SUGP1: variants seen among roughly 807,000 people sequenced by gnomAD.
The protein encoded by SUGP1 is SURP and G-patch domain containing 1.
A neutral mutation model predicts 76.5 loss-of-function variants in SUGP1; 34 were observed. That is an observed-to-expected ratio of 0.44 (90% CI 0.34 to 0.59). The LOEUF (loss-of-function observed/expected upper bound fraction) is 0.59, where lower values mean the gene tolerates loss of function less well. Among genes scored for constraint, SUGP1 ranks in the 20% least tolerant of loss-of-function variants. SUGP1 has a pLI of 0.01. For synonymous variants in SUGP1, 326 were observed against 326.2 expected, an observed-to-expected ratio of 1.00 and a Z score of 0.01; for missense variants, 752 against 851.7, an observed-to-expected ratio of 0.88 and a Z score of 1.46.
chr19:19,297,400 A>ATTCAGGGCAGGAGCAGTTCTGGCC, intron 7 of SUGP1, 56 bp from the exon 8 acceptor site: 3 of 1,349,532 alleles, frequency 2.2e-6, no homozygotes, highest in Non-Finnish European at 3.0e-6. Flanking sequence ...CCTGTCCCTG[A>ATTCAGGGCAGGAGCAGTTCTGGCC]TTCTGGGCAG....
intron 2 of SUGP1, among the ~76,000 whole-genome samples, chr19:19,314,539 A>G (rs1435444615): frequency 2.0e-5 from 3 of 152,160 alleles, no homozygotes; most frequent in East Asian, 3.8e-4. Flanking sequence ...AAGAAGGTTC[A>G]ATGTTGACAC....
intron 8 of SUGP1, among the ~76,000 whole-genome samples, chr19:19,288,904 G>C (rs1469628587): frequency 2.0e-5 from 3 of 152,030 alleles, no homozygotes; most frequent in African/African-American, 7.2e-5. Context: ...TCCTGCCTCA[G>C]CCTCCTGAGT....
chr19:19,279,781 C>T (rs1216796560), intron 9 of SUGP1, among the ~76,000 whole-genome samples: 1 of 152,212 alleles, frequency 6.6e-6, no homozygotes, highest in Non-Finnish European at 1.5e-5. Flanking sequence ...GCCTCAAGTC[C>T]CTCAGGGTGC....
At position 19,305,878 on chromosome 19, in the gene SUGP1, T is replaced by C; in HGVS notation, c.509A>G (p.Glu170Gly). Reference sequence around the variant, plus strand: ...GATCTCCAGCCACTGCTCATAGTCCTCCTCCTCGTCCTCGTCAGGGGACTG... The same window carrying C: ...GATCTCCAGCCACTGCTCATAGTCCCCCTCCTCGTCCTCGTCAGGGGACTG... ...VFQSPDEDEE[E>G]DYEQWLEIKV... Residue 170 changes from glutamate (E) to glycine (G), a missense_variant, in exon 4 of 14, where the codon GAG becomes GGG. Physicochemically the swap from Glu to Gly is moderately conservative, Grantham distance 98 (BLOSUM62 -2). Around this residue, in one of 2 missense-constraint regions of SUGP1, gnomAD observed 620 missense variants for 617.3 expected, o/e 1.00. Transcript: ENST00000247001. The C allele has an allele frequency of 1.2e-6, 2 of 1,612,236 alleles. No homozygotes were observed. The highest frequency in any genetic ancestry group is 1.7e-6 in the Non-Finnish European group (2 of 1,178,964).
chr19:19,302,051 C>T, intron 7 of SUGP1: 1 of 638,486 alleles, frequency 1.6e-6, no homozygotes. Context: ...AGGCCCCGTG[C>T]ACCTGCCTCA....
chr19:19,284,712 A>G (rs549501564), intron 8 of SUGP1, among the ~76,000 whole-genome samples: 1 of 152,358 alleles, frequency 6.6e-6, no homozygotes, highest in South Asian at 2.1e-4. Context: ...ATATAATGGC[A>G]GCAAAGGATG....
At position 19,276,554 on chromosome 19, in the gene SUGP1, C is replaced by G; in HGVS notation, c.*94G>C. The G allele has an allele frequency of 1.3e-6, 2 of 1,501,548 alleles. No individual in the cohort carries two copies. Among genetic ancestry groups the G allele is most frequent in the Non-Finnish European group, 1.8e-6 (2 of 1,082,924 alleles). 93.0% of individuals were successfully genotyped at this position (1,501,548 alleles called of 1,614,324 possible). ...GGACTTTATTACACGGCACGGCACT[C>G]GTGACAACGGAAGGGGTGGGCAGAA... On this transcript the variant is annotated 3_prime_UTR_variant, in exon 14 of 14. Coordinates refer to ENST00000247001, the MANE Select transcript of SUGP1 (RefSeq NM_172231.4).
Position 19,305,849 on chromosome 19 carries a change from C to T in SUGP1, c.538G>A (p.Val180Ile), listed in dbSNP as rs747612934. ...EDYEQWLEIKVSPPEGAETRK... is the reference protein window; with the variant it reads ...EDYEQWLEIKISPPEGAETRK... ...GGGAGCAGCAGCTCCCACAACTTAC[C>T]TTTGATCTCCAGCCACTGCTCATAG... Residue 180 changes from valine to isoleucine, a missense_variant and splice_region_variant, in exon 4 of 14, where the codon GTT becomes ATT. Coordinates refer to ENST00000247001, the MANE Select transcript of SUGP1 (RefSeq NM_172231.4). 1 of 1,600,590 alleles carries T rather than the reference C, an allele frequency of 6.2e-7. No homozygotes were observed. Among genetic ancestry groups the T allele is most frequent in the Non-Finnish European group, 8.5e-7 (1 of 1,171,054 alleles).
At chr19:19,305,723 G>A in intron 4 of SUGP1, 126 bp downstream of exon 4, 2 of 916,986 alleles carry the variant, frequency 2.2e-6, no homozygotes, top group South Asian at 3.4e-5. Context: ...TCAGCTCAGA[G>A]GTCTGGTGGC....
At position 19,303,942 on chromosome 19, in the gene SUGP1, G is replaced by A. The variant is rs571675657; in HGVS notation, c.539-95C>T. On this transcript the variant is annotated intron_variant, in intron 4 of 13. Coordinates refer to ENST00000247001, the MANE Select transcript of SUGP1 (RefSeq NM_172231.4). The stretch of plus-strand genomic sequence containing the variant: ...GGACCACAACGACAGAGGGGGTGGG[G>A]GGAGAAGAGTGTGAGATGCAGGAGG... The A allele has an allele frequency of 5.0e-6, 8 of 1,601,954 alleles. No individual in the cohort carries two copies. In the South Asian group the frequency reaches 8.8e-5, roughly 18 times the overall value.
rs1335615612 is a variant in SUGP1 at position 19,296,981 on chromosome 19, C to G, written c.1243+8G>C. On this transcript the variant is annotated splice_region_variant and intron_variant, in intron 8 of 13. Transcript: ENST00000247001. Reference sequence around the variant, plus strand: ...TCCAACACAGGGAGGGGGAGAGGGTCTGCCCACCTGACAGAGGCGAGGGAG... The same window carrying G: ...TCCAACACAGGGAGGGGGAGAGGGTGTGCCCACCTGACAGAGGCGAGGGAG... The G allele has an allele frequency of 1.3e-6, 2 of 1,561,814 alleles. No homozygotes were observed. Among genetic ancestry groups the G allele is most frequent in the South Asian group, 2.3e-5 (2 of 85,660 alleles).
chr19:19,283,587 C>T (rs10407952), intron 8 of SUGP1, among the ~76,000 whole-genome samples: 63,844 of 152,004 alleles, frequency 0.42, 14,869 homozygotes, highest in African/African-American at 0.62. Context: ...CCCGAGTAGC[C>T]GGGACTACAG....
intron 4 of SUGP1, among the ~76,000 whole-genome samples, chr19:19,304,441 G>C (rs1019733397): frequency 3.9e-5 from 6 of 152,106 alleles, no homozygotes; most frequent in Non-Finnish European, 7.4e-5. Flanking sequence ...CCCAGAGCCA[G>C]CCACTTCTCC....
intron 8 of SUGP1, among the ~76,000 whole-genome samples, chr19:19,290,417 G>A (rs2146601572): frequency 6.6e-6 from 1 of 152,324 alleles, no homozygotes; most frequent in African/African-American, 2.4e-5. Context: ...GCGGAAGCAA[G>A]TGGATCATCT....
At chr19:19,314,231 G>C (rs896617443) in intron 2 of SUGP1, among the ~76,000 whole-genome samples, 3 of 152,040 alleles carry the variant, frequency 2.0e-5, no homozygotes, top group Non-Finnish European at 4.4e-5. Flanking sequence ...GGCTGAGCAG[G>C]AGAATCTCCT....
At chr19:19,311,503 G>A (rs1222816907) in intron 2 of SUGP1, among the ~76,000 whole-genome samples, 4 of 151,828 alleles carry the variant, frequency 2.6e-5, no homozygotes, top group Admixed American at 2.0e-4. Context: ...CGAGGTGGGC[G>A]GATCACGAGG....
intron 8 of SUGP1, among the ~76,000 whole-genome samples, chr19:19,283,055 C>T (rs1410504792): frequency 2.1e-5 from 3 of 145,176 alleles, no homozygotes; most frequent in Non-Finnish European, 3.0e-5. Flanking sequence ...CCAGCCTGGG[C>T]GACAGAGTGA....
intron 7 of SUGP1, among the ~76,000 whole-genome samples, chr19:19,299,388 T>TC (rs1239302325): frequency 2.0e-5 from 3 of 152,206 alleles, no homozygotes; most frequent in Admixed American, 2.0e-4. Context: ...CCTTTTTTTT[T>TC]CTGAGACGGA....
Position 19,297,458 on chromosome 19 carries a change from G to A in SUGP1, c.888-114C>T. On this transcript the variant is annotated intron_variant, in intron 7 of 13. Transcript: ENST00000247001. ...CCACGTTGGCCAGGGTCACTATATG[G>A]TCATGTCATAGTCACGGTCTCCACC... 1.5e-5 allele frequency: 9 copies of A among 600,248 alleles called. No homozygotes were observed. In the South Asian group the frequency reaches 2.6e-4, roughly 17 times the overall value. The allele number at this position is 600,248 out of a possible 1,614,324, so 37.2% of individuals were successfully genotyped here.
Sources: gnomAD v4.1 joint callset for allele counts (sites outside exome capture counted in the v4.1 genomes callset) on GRCh38, gnomAD v4.1.1 for gene constraint, gnomAD v4.1.1 regional missense constraint, MANE v1.5 for transcripts, NCBI Gene and HGNC (gene_info 2026-07-23, HGNC 2026-07-21) for gene names.